Variants in PRPF40B observed in about 807,000 individuals in gnomAD.
PRPF40B encodes the protein pre-mRNA processing factor 40B.
Under a neutral mutation model 124.5 loss-of-function variants are expected in PRPF40B, and 56 were observed. The observed-to-expected ratio is 0.45, with a 90% CI of 0.36 to 0.56. The LOEUF is 0.56. Among genes scored for constraint, PRPF40B ranks in the 20% least tolerant of loss-of-function variants. The probability of loss-of-function intolerance (pLI) is 0.00; values close to 1 mark genes in which losing one functional copy is unlikely to be tolerated. For synonymous variants in PRPF40B, 443 were observed against 426.4 expected (o/e 1.04, Z -0.48); for missense variants, 1,053 against 1,169.5 (o/e 0.90, Z 1.45).
chr12:49,627,023 T>TG (rs533825425), intron 1 of PRPF40B, among the ~76,000 whole-genome samples: 44 of 152,318 alleles, frequency 2.9e-4, no homozygotes, highest in Non-Finnish European at 5.1e-4. Flanking sequence ...TTGTAGGACT[T>TG]GCCAAGACCA....
chr12:49,636,120 C>A, intron 15 of PRPF40B, 127 bp downstream of exon 15: 1 of 1,183,658 alleles, frequency 8.4e-7, no homozygotes, highest in Non-Finnish European at 1.2e-6. Flanking sequence ...GTACTCAACA[C>A]TCACCCAGTC....
chr12:49,623,564 C>T lies in PRPF40B; in HGVS notation c.-27C>T. 1 of 1,238,438 alleles carries T rather than the reference C, an allele frequency of 8.1e-7. No homozygotes were observed. The highest frequency in any genetic ancestry group is 1.0e-6 in the Non-Finnish European group (1 of 991,578). The allele number at this position is 1,238,438 out of a possible 1,614,324, so 76.7% of individuals were successfully genotyped here. A position where few individuals can be genotyped will look rare whatever the true frequency, so the allele number is the denominator to read the frequency against. On this transcript the variant is annotated 5_prime_UTR_variant, in exon 1 of 26. Transcript: ENST00000548825. ...GGCTCTTACTGGCGGGTGGGCTGAG[C>T]CGGCCCAGCTGCTCGGAGGCTCTGG... is the stretch of plus-strand genomic sequence containing the variant.
At chr12:49,633,613 CTG>C (rs1941459431) in intron 8 of PRPF40B, 22 bp from the exon 9 acceptor site, 1 of 1,614,104 alleles carries the variant, frequency 6.2e-7, no homozygotes, top group African/African-American at 1.3e-5. Flanking sequence ...CTGTGACTGA[CTG>C]TGTTATCTTT....
rs1942880340 is a variant in PRPF40B, at chr12:49,643,028, T to C, written c.2205+12T>C. The C allele has an allele frequency of 6.2e-7, 1 of 1,612,920 alleles. No individual in the cohort carries two copies. On this transcript the variant is annotated intron_variant, in intron 22 of 25. Coordinates refer to ENST00000548825, the MANE Select transcript of PRPF40B (RefSeq NM_001031698.3). ...CCCACTCACCCTCAGTGAGTAAGCG[T>C]GTAGAAGGGACATGGGGTGAAGCTG...
At chr12:49,641,689 C>G (rs962349607) in intron 18 of PRPF40B, 2 of 544,708 alleles carry the variant, frequency 3.7e-6, no homozygotes, top group African/African-American at 3.8e-5. Context: ...TCTCCCAACC[C>G]CTTCAGCTCT....
intron 18 of PRPF40B, chr12:49,639,780 G>A (rs548264817): frequency 1.3e-5 from 2 of 152,346 alleles, no homozygotes; most frequent in Admixed American, 1.3e-4. Context: ...AATCAGAGGT[G>A]TCAGGGCAGT....
chr12:49,642,021 T>C lies in PRPF40B; in HGVS notation c.1881T>C (p.Asn627=). The change falls in exon 19 of 26, where the codon AAT becomes AAC. Residue 627 remains asparagine, a synonymous_variant. Coordinates refer to ENST00000548825, the MANE Select transcript of PRPF40B (RefSeq NM_001031698.3). The surrounding 1 kb of genome is among the most constrained non-coding windows in gnomAD (Gnocchi z 5.8). The part of the protein sequence containing the change: ...LDAGNIKLTF[N]SLLEKAEARE... ...CAGGCAACATCAAGCTGACCTTCAA[T>C]AGTGTGAGGGGCTGGGCGGGGCGTG... 1.2e-6 allele frequency: 2 copies of C among 1,612,512 alleles called. No individual in the cohort carries two copies. Among genetic ancestry groups the C allele is most frequent in the Non-Finnish European group, 1.7e-6 (2 of 1,179,954 alleles).
In PRPF40B at chr12:49,641,683, C is replaced by T. The variant is rs1942672545; in HGVS notation, c.1768-225C>T. On this transcript the variant is annotated intron_variant, in intron 18 of 25. Transcript: ENST00000548825. ...TTAATCAGCAGTTGGGAGACATCTC[C>T]CAACCCCTTCAGCTCTGTGTGACAT... is the stretch of plus-strand genomic sequence containing the variant. The T allele has an allele frequency of 5.6e-6, 3 of 540,342 alleles. No individual in the cohort carries two copies. In the Admixed American group the frequency reaches 9.9e-5, roughly 18 times the overall value. 33.5% of individuals were successfully genotyped at this position (540,342 alleles called of 1,614,324 possible).
In PRPF40B at chr12:49,644,270, C is replaced by T; in HGVS notation, c.*78C>T. The T allele has an allele frequency of 6.7e-7, 1 of 1,486,510 alleles. No homozygotes were observed. Among genetic ancestry groups the T allele is most frequent in the Non-Finnish European group, 9.3e-7 (1 of 1,071,740 alleles). 92.1% of individuals were successfully genotyped at this position (1,486,510 alleles called of 1,614,324 possible). On this transcript the variant is annotated 3_prime_UTR_variant, in exon 26 of 26. Transcript: ENST00000548825. ...CACCCTCACCGTCTGCCTCAGACTTCTTCCTTAGTCTGGTCTGTGTCCACT... is the reference window on the plus strand; with the variant it reads ...CACCCTCACCGTCTGCCTCAGACTTTTTCCTTAGTCTGGTCTGTGTCCACT...
chr12:49,644,165 C>A lies in PRPF40B; in HGVS notation c.2652C>A (p.Leu884=), dbSNP rs1256235403. 6.2e-7 allele frequency: 1 copy of A among 1,614,104 alleles called. No individual in the cohort carries two copies. The highest frequency in any genetic ancestry group is 1.1e-5 in the South Asian group (1 of 91,078). The change falls in exon 26 of 26, where the codon CTC becomes CTA. Residue 884 remains leucine (L), a synonymous_variant. Coordinates refer to ENST00000548825, the MANE Select transcript of PRPF40B (RefSeq NM_001031698.3). The part of the protein sequence containing the change: ...EGELERRRRT[L]LQQLDDHQ The stretch of plus-strand genomic sequence containing the variant: ...AGCTGGAGAGGCGGCGGCGGACACT[C>A]CTACAGCAGCTGGATGATCACCAGT...
intron 15 of PRPF40B, chr12:49,636,446 C>A (rs1471633258): frequency 2.1e-6 from 1 of 483,674 alleles, no homozygotes; most frequent in African/African-American, 1.9e-5. Flanking sequence ...AACCTCAGAT[C>A]CCAAGACAAC....
At position 49,642,133 on chromosome 12, in the gene PRPF40B, TAGA is replaced by T. The variant is rs371294155; in HGVS notation, c.1885-99_1885-97del. On this transcript the variant is annotated intron_variant, in intron 19 of 25. Coordinates refer to ENST00000548825, the MANE Select transcript of PRPF40B (RefSeq NM_001031698.3). The surrounding 1 kb of genome is among the most constrained non-coding windows in gnomAD (Gnocchi z 5.8). ...ATATTCCCAATTCAGGGGATGGTGG[TAGA>T]AGCCCAGACCCTAACTTTCCACCTC... is the stretch of plus-strand genomic sequence containing the variant. 3,315 of 1,604,860 alleles carry T rather than the reference TAGA, an allele frequency of 2.1e-3. 33 individuals carry two copies. The highest frequency in any genetic ancestry group is 0.012 in the South Asian group (1,083 of 90,310).
At position 49,643,347 on chromosome 12, in the gene PRPF40B, G is replaced by A. The variant is rs1262575889; in HGVS notation, c.2330G>A (p.Gly777Asp). ...TCACTTGATTCAGTTGAAAGTGGGG[G>A]TGCTGCCCTTGGAGGACGGGGCTCC... ...SSSLDSVESGGAALGGRGSPS... is the reference protein window; with the variant it reads ...SSSLDSVESGDAALGGRGSPS... Residue 777 changes from glycine (G) to aspartate (D), a missense_variant, in exon 23 of 26, where the codon GGT becomes GAT. Transcript: ENST00000548825. 1 of 1,602,990 alleles carries A rather than the reference G, an allele frequency of 6.2e-7. No individual in the cohort carries two copies. Among genetic ancestry groups the A allele is most frequent in the South Asian group, 1.1e-5 (1 of 89,602 alleles).
At chr12:49,623,523 C>G, upstream of PRPF40B, 1 of 1,241,802 alleles carries the variant, frequency 8.1e-7, no homozygotes, top group Non-Finnish European at 1.0e-6. Flanking sequence ...CCGGCTGCGG[C>G]CTGGCCAATC....
In PRPF40B at chr12:49,635,309, A is replaced by G. The variant is rs901892174; in HGVS notation, c.1166+46A>G. 1.2e-6 allele frequency: 2 copies of G among 1,609,032 alleles called. No individual in the cohort carries two copies. ...TGGGACTTGGGAACCCTGAGAACAC[A>G]AAGGTCCAGGGTCTCTGTTCTCTGT... On this transcript the variant is annotated intron_variant, in intron 13 of 25. Transcript: ENST00000548825. The surrounding 1 kb of genome is among the most constrained non-coding windows in gnomAD (Gnocchi z 4.1).
At chr12:49,623,790 G>C (rs1281819038) in intron 1 of PRPF40B, 197 bp downstream of exon 1, 1 of 1,178,492 alleles carries the variant, frequency 8.5e-7, no homozygotes, top group Non-Finnish European at 1.0e-6. Context: ...GGCGGGGGAG[G>C]CCATGATGGA....
At position 49,631,129 on chromosome 12, in the gene PRPF40B, T is replaced by C. The variant is rs545994113; in HGVS notation, c.85-272T>C. On this transcript the variant is annotated intron_variant, in intron 2 of 25. Transcript: ENST00000548825. This position sits in a 1 kb window ranked among gnomAD's most constrained non-coding sequence, Gnocchi z 4.3. ...GAGGTGGAGCCTTCCAGTCTCAGTC[T>C]GGTGCTGTTAAACCTCCCTTATTCC... is the stretch of plus-strand genomic sequence containing the variant. Among the ~76,000 whole-genome samples the C allele has an allele frequency of 4.6e-5, 7 of 152,268 alleles. No homozygotes were observed. The highest frequency in any genetic ancestry group is 1.7e-4 in the African/African-American group (7 of 41,544).
At chr12:49,627,279 ATTTG>A (rs1180143639) in intron 1 of PRPF40B, among the ~76,000 whole-genome samples, 29 of 152,328 alleles carry the variant, frequency 1.9e-4, no homozygotes, top group African/African-American at 6.3e-4. Context: ...AATTGGCAGC[ATTTG>A]TTTTTTATTC....
chr12:49,641,953 G>T lies in PRPF40B; in HGVS notation c.1813G>T (p.Ala605Ser). The T allele has an allele frequency of 1.2e-6, 2 of 1,613,854 alleles. No homozygotes were observed. Among genetic ancestry groups the T allele is most frequent in the South Asian group, 2.2e-5 (2 of 91,080 alleles). The change falls in exon 19 of 26, where the codon GCC (alanine) becomes TCC (serine). Residue 605 changes from alanine (A) to serine (S), a missense_variant. Physicochemically the swap from Ala to Ser is moderately conservative, Grantham distance 99 (BLOSUM62 1). Around this residue, in one of 2 missense-constraint regions of PRPF40B, gnomAD observed 895 missense variants for 1,052.2 expected, o/e 0.85. Transcript: ENST00000548825. ...VEVNTAFEDFAHVISFDKRAA... is the reference protein window; with the variant it reads ...VEVNTAFEDFSHVISFDKRAA... ...GGTGAACACGGCCTTTGAGGACTTC[G>T]CCCACGTCATAAGCTTTGACAAGAG...
Sources: allele counts gnomAD v4.1 joint callset (sites outside exome capture counted in the v4.1 genomes callset), GRCh38; gene constraint gnomAD v4.1.1; regional missense constraint gnomAD v4.1.1; non-coding constraint Gnocchi (gnomAD v3.1); transcripts MANE v1.5; gene names NCBI Gene and HGNC (gene_info 2026-07-23, HGNC 2026-07-21).